The following ADARB2 variants were observed in gnomAD, a reference collection of about 807,000 sequenced individuals.
ADARB2 encodes the protein adenosine deaminase RNA specific B2 (inactive), also known as inactive double-stranded RNA-specific editase B2.
ADARB2 carries 25 observed loss-of-function variants against 62.2 expected under a neutral mutation model. That is an observed-to-expected ratio of 0.40 (90% CI 0.29 to 0.56). The LOEUF (loss-of-function observed/expected upper bound fraction) is 0.56, where lower values mean the gene tolerates loss of function less well. Among genes scored for constraint, ADARB2 ranks in the 20% least tolerant of loss-of-function variants. The pLI, the probability that ADARB2 is intolerant of heterozygous loss-of-function variation, is 0.43. For synonymous variants in ADARB2, 572 were observed against 500.8 expected (o/e 1.14, Z -1.90); for missense variants, 1,071 against 1,077.4 (o/e 0.99, Z 0.08).
chr10:1,483,992 C>A (rs1264935657), intron 1 of ADARB2, among the ~76,000 whole-genome samples: 1 of 152,196 alleles, frequency 6.6e-6, no homozygotes, highest in Non-Finnish European at 1.5e-5. Context: ...ATCAAAGCCA[C>A]TATTGAATCT....
intron 1 of ADARB2, among the ~76,000 whole-genome samples, chr10:1,446,598 C>T (rs1401398842): frequency 5.9e-5 from 9 of 152,304 alleles, no homozygotes; most frequent in African/African-American, 1.9e-4. Flanking sequence ...GGCACAGAGG[C>T]AGAAAGCCTG....
At chr10:1,718,660 A>C (rs56249023) in intron 1 of ADARB2, among the ~76,000 whole-genome samples, 1,678 of 152,288 alleles carry the variant, frequency 0.011, 27 homozygotes, top group African/African-American at 0.038. Context: ...TCCCTAAAGC[A>C]GGGGCCAGGG....
chr10:1,235,144 C>A (rs1316649506), intron 5 of ADARB2, among the ~76,000 whole-genome samples: 1 of 151,172 alleles, frequency 6.6e-6, no homozygotes, highest in Non-Finnish European at 1.5e-5. Flanking sequence ...CAGTGCTGCT[C>A]ATGGCCATAC....
At chr10:1,401,802 G>T (rs768691590) in intron 1 of ADARB2, among the ~76,000 whole-genome samples, 2 of 152,150 alleles carry the variant, frequency 1.3e-5, no homozygotes, top group Non-Finnish European at 2.9e-5. Context: ...TTAGAAAACT[G>T]CAGCGAGGCC....
intron 3 of ADARB2, among the ~76,000 whole-genome samples, chr10:1,350,970 A>T (rs1233447928): frequency 6.6e-6 from 1 of 152,196 alleles, no homozygotes. Flanking sequence ...GGAACGCCTG[A>T]ACCGCAGCTG....
intron 8 of ADARB2, among the ~76,000 whole-genome samples, chr10:1,186,746 A>G (rs554351647): frequency 6.6e-6 from 1 of 152,206 alleles, no homozygotes; most frequent in Non-Finnish European, 1.5e-5. Flanking sequence ...GTGCCTGCTC[A>G]GGTCCCTGGG....
rs757650389 is a variant in ADARB2 at position 1,233,701 on chromosome 10, G to A, written c.1506C>T (p.Thr502=). The change falls in exon 6 of 10, where the codon ACC becomes ACT. Residue 502 remains threonine (T), a synonymous_variant. Transcript: ENST00000381312. ...AAAAGCATGGTCTCTTACGGTCTGT[G>A]GTGATCTCGTAGGGAGAGTGGAGTC... ...DARLHSPYEI[T]TDLHSSKHLV... is the part of the protein sequence containing the mutation. The A allele has an allele frequency of 6.2e-7, 1 of 1,613,402 alleles. No homozygotes were observed. The highest frequency in any genetic ancestry group is 8.5e-7 in the Non-Finnish European group (1 of 1,179,686).
In ADARB2 at chr10:1,317,218, AAATG is replaced by A. The variant is rs569134110; in HGVS notation, c.1077+45806_1077+45809del. On this transcript the variant is annotated intron_variant, in intron 3 of 9. Transcript: ENST00000381312. ...TTAAAGTCTTACTTATATTAGAAAA[AAATG>A]AATGGAGGCAGGCAGACATAATTTA... 8.2e-3 allele frequency among the ~76,000 whole-genome samples: 1,254 copies of A among 152,360 alleles called. 9 individuals are homozygous for A. The highest frequency in any genetic ancestry group is 0.018 in the African/African-American group (769 of 41,576).
intron 1 of ADARB2, among the ~76,000 whole-genome samples, chr10:1,481,636 A>G (rs566570743): frequency 1.1e-3 from 21 of 19,688 alleles, no homozygotes; most frequent in South Asian, 0.1. Context: ...AAGTGTGCGG[A>G]TCACGAGGTC....
chr10:1,715,026 C>T (rs531687778), intron 1 of ADARB2, among the ~76,000 whole-genome samples: 39 of 142,000 alleles, frequency 2.7e-4, no homozygotes, highest in African/African-American at 8.4e-4. Context: ...CAACAGTCCC[C>T]GGTGTGTGAT....
rs183039578 is a variant in ADARB2 at position 1,372,276 on chromosome 10, T to A, written c.187+6798A>T. ...GCTAAACGATGGGTACACATGGACATAAAGAAGAAAACAACAGACACTGAG... is the reference window on the plus strand; with the variant it reads ...GCTAAACGATGGGTACACATGGACAAAAAGAAGAAAACAACAGACACTGAG... On this transcript the variant is annotated intron_variant, in intron 2 of 9. Transcript: ENST00000381312. Among the ~76,000 whole-genome samples the A allele has an allele frequency of 7.3e-5, 11 of 151,558 alleles. No homozygotes were observed. In the East Asian group the frequency reaches 2.1e-3, roughly 29 times the overall value.
At chr10:1,481,750 A>G (rs568988644) in intron 1 of ADARB2, among the ~76,000 whole-genome samples, 9 of 151,690 alleles carry the variant, frequency 5.9e-5, no homozygotes, top group South Asian at 4.2e-4. Context: ...CCAGCTACTC[A>G]GGAGGCTGAG....
In ADARB2 at chr10:1,712,771, A is replaced by G. The variant is rs536596513; in HGVS notation, c.100+24280T>C. 7.5e-4 allele frequency among the ~76,000 whole-genome samples: 58 copies of G among 77,604 alleles called. 1 individual carries two copies. Among genetic ancestry groups the G allele is most frequent in the South Asian group, 6.0e-3 (13 of 2,160 alleles). 50.9% of individuals were successfully genotyped at this position (77,604 alleles called of 152,430 possible). A position where few individuals can be genotyped will look rare whatever the true frequency, so the allele number is the denominator to read the frequency against. On this transcript the variant is annotated intron_variant, in intron 1 of 9. Transcript: ENST00000381312. ...CTACAGGCTCCCACCACGACGCCCA[A>G]CTAATTTTTTTGTATTTTTAGTAGA...
At chr10:1,530,491 T>C (rs1474781683) in intron 1 of ADARB2, among the ~76,000 whole-genome samples, 4 of 152,336 alleles carry the variant, frequency 2.6e-5, no homozygotes, top group South Asian at 4.1e-4. Context: ...CGGCCACTGC[T>C]TCAGCCAGGG....
chr10:1,462,756 CAT>C (rs1309187039), intron 1 of ADARB2, among the ~76,000 whole-genome samples: 1 of 150,266 alleles, frequency 6.7e-6, no homozygotes, highest in Non-Finnish European at 1.5e-5. Context: ...TGTATGTATG[CAT>C]GTGTGTGCAT....
intron 3 of ADARB2, chr10:1,292,483 C>G (rs1187249552): frequency 1.3e-5 from 2 of 152,196 alleles, no homozygotes; most frequent in Non-Finnish European, 2.9e-5. Flanking sequence ...TGCATAGACA[C>G]TCAGTATATC....
chr10:1,221,314 T>A (rs1391738979), intron 6 of ADARB2, among the ~76,000 whole-genome samples: 1 of 152,168 alleles, frequency 6.6e-6, no homozygotes, highest in Non-Finnish European at 1.5e-5. Context: ...ATTACAGTGC[T>A]TATTAACCTA....
chr10:1,464,155 G>C (rs2676772), intron 1 of ADARB2, among the ~76,000 whole-genome samples: 1 of 125,346 alleles, frequency 8.0e-6, no homozygotes, highest in East Asian at 2.7e-4. Flanking sequence ...ACACACGCGC[G>C]GGGGGCAGTC....
chr10:1,561,789 G>C (rs1341319913), intron 1 of ADARB2, among the ~76,000 whole-genome samples: 1 of 152,112 alleles, frequency 6.6e-6, no homozygotes, highest in Non-Finnish European at 1.5e-5. Context: ...TGGCACTCAG[G>C]ATCCTCCCGA....
Sources: gnomAD v4.1 joint callset for allele counts (sites outside exome capture counted in the v4.1 genomes callset) on GRCh38, gnomAD v4.1.1 for gene constraint, MANE v1.5 for transcripts, NCBI Gene and HGNC (gene_info 2026-07-23, HGNC 2026-07-21) for gene names.